SCIN: variants seen among roughly 807,000 people sequenced by gnomAD.
SCIN encodes the protein adseverin.
In SCIN, 91 loss-of-function variants were observed where a neutral mutation model predicts 91.8. The observed-to-expected ratio is 0.99, with a 90% CI of 0.84 to 1.18. The LOEUF (loss-of-function observed/expected upper bound fraction) is 1.18. Ranked by LOEUF, SCIN falls within the 50% of genes most tolerant of loss-of-function variation. The pLI is 0.00. For synonymous variants in SCIN, 367 were observed against 312.6 expected (o/e 1.17, Z -1.84); for missense variants, 1,087 against 863.9 (o/e 1.26, Z -3.24).
At position 12,656,937 on chromosome 7, in the gene SCIN, A is replaced by T. The variant is rs902117411; in HGVS notation, c.*4222A>T. The T allele has an allele frequency of 1.3e-5, 2 of 151,796 alleles. No individual in the cohort carries two copies. Among genetic ancestry groups the T allele is most frequent in the Non-Finnish European group, 2.9e-5 (2 of 67,942 alleles). The allele number at this position is 151,796 out of a possible 1,614,324, so 9.4% of individuals were successfully genotyped here. Reference sequence around the variant, plus strand: ...TCCGTCTCGGGGGAAGAAAAAAAAAACCTGTAAAAAGTGGCTCAACTTTAA... The same window carrying T: ...TCCGTCTCGGGGGAAGAAAAAAAAATCCTGTAAAAAGTGGCTCAACTTTAA... On this transcript the variant is annotated 3_prime_UTR_variant, in exon 16 of 16. Transcript: ENST00000297029.
Position 12,588,230 on chromosome 7 carries a change from A to G in SCIN, c.516+7009A>G, listed in dbSNP as rs140784844. Among the ~76,000 whole-genome samples the G allele has an allele frequency of 1.7e-3, 256 of 152,324 alleles. 1 individual carries two copies. The highest frequency in any genetic ancestry group is 6.0e-4 in the Non-Finnish European group (41 of 68,046). On this transcript the variant is annotated intron_variant, in intron 3 of 15. Coordinates refer to ENST00000297029, the MANE Select transcript of SCIN (RefSeq NM_001112706.3). ...GATCTCTAAAATGTACCCTGAAGTA[A>G]AAGTAGGGATGAATGGCATTTATTC...
intron 3 of SCIN, among the ~76,000 whole-genome samples, chr7:12,595,368 C>T (rs1242448208): frequency 6.6e-6 from 1 of 151,326 alleles, no homozygotes; most frequent in Non-Finnish European, 1.5e-5. Flanking sequence ...CTCCCCCATG[C>T]TGCCCGTAGG....
In SCIN at chr7:12,653,515, A is replaced by G. The variant is rs2033604; in HGVS notation, c.*800A>G. The G allele has an allele frequency of 0.65, 99,456 of 152,058 alleles. 32,865 individuals carry two copies. The highest frequency in any genetic ancestry group is 0.68 in the Admixed American group (10,382 of 15,286). 9.4% of individuals were successfully genotyped at this position (152,058 alleles called of 1,614,324 possible). A position where few individuals can be genotyped will look rare whatever the true frequency, so the allele number is the denominator to read the frequency against. On this transcript the variant is annotated 3_prime_UTR_variant, in exon 16 of 16. Coordinates refer to ENST00000297029, the MANE Select transcript of SCIN (RefSeq NM_001112706.3). This position sits in a 1 kb window ranked among gnomAD's most constrained non-coding sequence, Gnocchi z 4.1. ...TTGCTATTTTCCTTCTTTAGTCAAT[A>G]TGACTTTGATGTCATTAACTGCTAA...
chr7:12,594,741 C>A (rs893604941), intron 3 of SCIN, among the ~76,000 whole-genome samples: 2 of 152,014 alleles, frequency 1.3e-5, no homozygotes, highest in African/African-American at 4.8e-5. Context: ...CGAGAGAGGG[C>A]GGCGCCTGTC....
Position 12,570,795 on chromosome 7 carries a change from G to C in SCIN, c.9G>C (p.Arg3=). The C allele has an allele frequency of 1.9e-6, 3 of 1,550,936 alleles. No homozygotes were observed. Among genetic ancestry groups the C allele is most frequent in the Non-Finnish European group, 2.6e-6 (3 of 1,146,692 alleles). The part of the protein sequence containing the change: MA[R]ELYHEEFARA... ...CATCGCGTGCAGGAGCCATGGCGCG[G>C]GAGCTATACCACGAAGAGTTCGCCC... is the stretch of plus-strand genomic sequence containing the variant. The change falls in exon 1 of 16, where the codon CGG becomes CGC. Residue 3 remains arginine, a synonymous_variant. Transcript: ENST00000297029.
chr7:12,606,657 T>C (rs950655336), intron 4 of SCIN, among the ~76,000 whole-genome samples: 8 of 152,212 alleles, frequency 5.3e-5, no homozygotes, highest in African/African-American at 1.9e-4. Context: ...TATAGCTCTG[T>C]ATTCATACAT....
intron 13 of SCIN, among the ~76,000 whole-genome samples, chr7:12,646,583 C>T (rs1316019882): frequency 6.6e-6 from 1 of 152,142 alleles, no homozygotes; most frequent in African/African-American, 2.4e-5. Context: ...TCTGAAATAT[C>T]ATCCTGAACC....
intron 4 of SCIN, among the ~76,000 whole-genome samples, chr7:12,619,134 G>C (rs1258585538): frequency 6.6e-6 from 1 of 152,036 alleles, no homozygotes; most frequent in Non-Finnish European, 1.5e-5. Context: ...AATGCCTTTA[G>C]GACTTGGCAC....
chr7:12,609,819 GA>G (rs1783155282), intron 4 of SCIN, among the ~76,000 whole-genome samples: 1 of 152,046 alleles, frequency 6.6e-6, no homozygotes, highest in African/African-American at 2.4e-5. Context: ...TTATAAAAAT[GA>G]CTGTAAGGCT....
At chr7:12,617,320 T>C (rs1370106998) in intron 4 of SCIN, among the ~76,000 whole-genome samples, 1 of 152,060 alleles carries the variant, frequency 6.6e-6, no homozygotes, top group East Asian at 1.9e-4. Context: ...GTGTGGAAAT[T>C]AGATTACAGA....
chr7:12,600,532 G>A (rs763402659), intron 3 of SCIN, among the ~76,000 whole-genome samples: 1 of 152,256 alleles, frequency 6.6e-6, no homozygotes, highest in African/African-American at 2.4e-5. Context: ...AAAGATACGT[G>A]TAGGAAAAAA....
Position 12,655,636 on chromosome 7 carries a change from C to G in SCIN, c.*2921C>G, listed in dbSNP as rs1490354765. 2 of 152,142 alleles carry G rather than the reference C, an allele frequency of 1.3e-5. No homozygotes were observed. Among genetic ancestry groups the G allele is most frequent in the Non-Finnish European group, 1.5e-5 (1 of 68,016 alleles). 9.4% of individuals were successfully genotyped at this position (152,142 alleles called of 1,614,324 possible). A position where few individuals can be genotyped will look rare whatever the true frequency, so the allele number is the denominator to read the frequency against. On this transcript the variant is annotated 3_prime_UTR_variant, in exon 16 of 16. Transcript: ENST00000297029. ...CAAAATGTAGGGTTACAGGTTCACC[C>G]ATACACTGTTAATAGATGTATAAAC...
chr7:12,581,095 TACGAACG>T lies in SCIN; in HGVS notation c.393_399del (p.Asn132Ter). The T allele has an allele frequency of 6.4e-7, 1 of 1,551,334 alleles. No homozygotes were observed. The highest frequency in any genetic ancestry group is 8.7e-7 in the Non-Finnish European group (1 of 1,146,762). ...TGGCATCTGGATTAAATCATGTTCT[TACGAACG>T]ACCTGACAGCCAAGAGGCTCCTACA... On this transcript the variant is annotated frameshift_variant, in exon 3 of 16. Transcript: ENST00000297029. LOFTEE classifies it high-confidence loss of function.
chr7:12,606,362 A>T (rs11981341), intron 4 of SCIN, among the ~76,000 whole-genome samples: 67,310 of 152,066 alleles, frequency 0.44, 15,856 homozygotes, highest in Admixed American at 0.6. Context: ...AGGCTATCTC[A>T]TAAACATTTT....
rs543756779 is a variant in SCIN at position 12,594,054 on chromosome 7, C to T, written c.517-10460C>T. On this transcript the variant is annotated intron_variant, in intron 3 of 15. Transcript: ENST00000297029. ...AAGGAGAAAGGGACGTGGACATGGA[C>T]GATCCCCTCAACTCCCGCTACTTCC... is the stretch of plus-strand genomic sequence containing the variant. Among the ~76,000 whole-genome samples the T allele has an allele frequency of 6.6e-5, 10 of 152,250 alleles. No individual in the cohort carries two copies. In the South Asian group the frequency reaches 1.7e-3, roughly 25 times the overall value.
chr7:12,590,587 T>C (rs1051747112), intron 3 of SCIN, among the ~76,000 whole-genome samples: 5 of 152,092 alleles, frequency 3.3e-5, no homozygotes, highest in African/African-American at 1.2e-4. Flanking sequence ...GCTTGCTGTA[T>C]AGCAAAGCTT....
chr7:12,625,675 T>C, intron 6 of SCIN, 87 bp from the exon 7 acceptor site: 2 of 979,624 alleles, frequency 2.0e-6, no homozygotes, highest in South Asian at 1.6e-5. Context: ...ATTATAATCA[T>C]GTTTATTATG....
intron 3 of SCIN, among the ~76,000 whole-genome samples, chr7:12,588,606 C>T (rs922655421): frequency 5.9e-5 from 9 of 151,862 alleles, no homozygotes; most frequent in Non-Finnish European, 1.3e-4. Context: ...TGTTGGTTAA[C>T]CTTACCACAT....
At chr7:12,632,285 A>G (rs1007267863) in intron 9 of SCIN, among the ~76,000 whole-genome samples, 10 of 151,686 alleles carry the variant, frequency 6.6e-5, no homozygotes, top group African/African-American at 2.2e-4. Context: ...CGCACACCAC[A>G]TGCCCTGCTA....
Sources: gnomAD v4.1 joint callset for allele counts (sites outside exome capture counted in the v4.1 genomes callset) on GRCh38, gnomAD v4.1.1 for gene constraint, Gnocchi (gnomAD v3.1) non-coding constraint, MANE v1.5 for transcripts, NCBI Gene and HGNC (gene_info 2026-07-23, HGNC 2026-07-21) for gene names.